FRMPD1: variants seen among roughly 807,000 people sequenced by gnomAD.
FRMPD1 encodes FERM and PDZ domain containing 1, also known as FERM and PDZ domain-containing protein 1.
FRMPD1 carries 76 observed loss-of-function variants against 117.8 expected under a neutral mutation model. That is an observed-to-expected ratio of 0.65 (90% CI 0.54 to 0.78). The LOEUF (loss-of-function observed/expected upper bound fraction) is 0.78, where lower values mean the gene tolerates loss of function less well. Ranked by LOEUF, FRMPD1 falls within the 30% of genes least tolerant of loss-of-function variation. The pLI is 0.00. For synonymous variants in FRMPD1, 783 were observed against 770.4 expected (o/e 1.02, Z -0.27); for missense variants, 1,786 against 1,964.5 (o/e 0.91, Z 1.72).
chr9:37,683,325 G>C (rs1821795448), intron 1 of FRMPD1, among the ~76,000 whole-genome samples: 1 of 152,184 alleles, frequency 6.6e-6, no homozygotes, highest in South Asian at 2.1e-4. Context: ...CAGAAAAAGA[G>C]ATGTTTCTTG....
chr9:37,683,347 G>A (rs1033024682), intron 1 of FRMPD1, among the ~76,000 whole-genome samples: 13 of 152,162 alleles, frequency 8.5e-5, no homozygotes, highest in African/African-American at 2.2e-4. Flanking sequence ...GCATATTTCC[G>A]TAGAACTTTA....
the FRMPD1 span, among the ~76,000 whole-genome samples, chr9:37,627,056 G>A: frequency 3.4e-5 from 5 of 148,958 alleles, no homozygotes; most frequent in Middle Eastern, 3.4e-3. Context: ...GGCGATCTTT[G>A]CTGACTCAGG....
chr9:37,692,887 G>A lies in FRMPD1; in HGVS notation c.101+145G>A, dbSNP rs539515890. The A allele has an allele frequency of 2.0e-5, 13 of 654,554 alleles. No individual in the cohort carries two copies. The African/African-American group carries it at 2.2e-4, about 11-fold the overall frequency. The allele number at this position is 654,554 out of a possible 1,614,324, so 40.5% of individuals were successfully genotyped here. ...CATATGGTGGGAGCAGTGTAAACAG[G>A]TCAGCAATTTTGCTGGAGTGCTTTT... is the stretch of plus-strand genomic sequence containing the variant. On this transcript the variant is annotated intron_variant, in intron 2 of 15. Transcript: ENST00000377765.
chr9:37,726,320 A>G (rs1387357196), intron 7 of FRMPD1, among the ~76,000 whole-genome samples: 1 of 152,242 alleles, frequency 6.6e-6, no homozygotes, highest in African/African-American at 2.4e-5. Flanking sequence ...AAACCAAGAA[A>G]AAGAATATGT....
Position 37,727,699 on chromosome 9 carries a change from G to A in FRMPD1, c.613-2029G>A, listed in dbSNP as rs532459783. Among the ~76,000 whole-genome samples the A allele has an allele frequency of 3.6e-5, 5 of 140,372 alleles. No homozygotes were observed. The Admixed American group carries it at 3.8e-4, about 11-fold the overall frequency. 92.1% of individuals were successfully genotyped at this position (140,372 alleles called of 152,430 possible). On this transcript the variant is annotated intron_variant, in intron 7 of 15. Coordinates refer to ENST00000377765, the MANE Select transcript of FRMPD1 (RefSeq NM_014907.3). ...ATGGACCCTTCAGGACTAGTCACTG[G>A]GTAGTTATGGGGGGTGATGAACAAG...
the FRMPD1 span, among the ~76,000 whole-genome samples, chr9:37,623,769 G>T: frequency 6.6e-6 from 1 of 152,104 alleles, no homozygotes; most frequent in African/African-American, 2.4e-5. Flanking sequence ...CTTTAGAGAT[G>T]GGAGTCTACT....
intron 1 of FRMPD1, among the ~76,000 whole-genome samples, chr9:37,691,439 A>AC (rs1179036098): frequency 3.9e-5 from 6 of 152,274 alleles, no homozygotes; most frequent in African/African-American, 1.4e-4. Flanking sequence ...AACATAGTCT[A>AC]TAGTTCAGTT....
rs571037699 is a variant in FRMPD1 at position 37,737,220 on chromosome 9, C to A, written c.1526C>A (p.Ala509Glu). Residue 509 changes from alanine to glutamate, a missense_variant, in exon 14 of 16, where the codon GCG (alanine) becomes GAG (glutamate). Coordinates refer to ENST00000377765, the MANE Select transcript of FRMPD1 (RefSeq NM_014907.3). The stretch of plus-strand genomic sequence containing the variant: ...CTCTGGCCTGGAAACAAACAACAAG[C>A]GCACCGGGTATCTGCAGAAGAAGGT... ...IFLWPGNKQQ[A>E]HRVSAEEGYE... is the part of the protein sequence containing the mutation. 1 of 1,614,024 alleles carries A rather than the reference C, an allele frequency of 6.2e-7. No individual in the cohort carries two copies. Among genetic ancestry groups the A allele is most frequent in the Non-Finnish European group, 8.5e-7 (1 of 1,179,990 alleles).
At chr9:37,697,813 C>G (rs1157664396) in intron 2 of FRMPD1, among the ~76,000 whole-genome samples, 2 of 151,980 alleles carry the variant, frequency 1.3e-5, no homozygotes, top group Admixed American at 1.3e-4. Flanking sequence ...TATATTTTTC[C>G]ACTTAATATT....
chr9:37,643,111 C>A, the FRMPD1 span, among the ~76,000 whole-genome samples: 3 of 152,278 alleles, frequency 2.0e-5, no homozygotes, highest in South Asian at 6.2e-4. Context: ...ATGCCCAGGA[C>A]TGGAAGTTCT....
chr9:37,746,736 G>C lies in FRMPD1; in HGVS notation c.4704G>C (p.Leu1568Phe). 1 of 1,614,058 alleles carries C rather than the reference G, an allele frequency of 6.2e-7. No homozygotes were observed. Among genetic ancestry groups the C allele is most frequent in the South Asian group, 1.1e-5 (1 of 91,078 alleles). The change falls in exon 16 of 16, where the codon TTG (leucine) becomes TTC (phenylalanine). Residue 1568 changes from leucine (L) to phenylalanine (F), a missense_variant. Coordinates refer to ENST00000377765, the MANE Select transcript of FRMPD1 (RefSeq NM_014907.3). ...CCCTCACGGCCGCCGTGTTCTGTTT[G>C]ACCCAGAAGTTCCGGGCATCCACGG... ...CTALTAAVFC[L>F]TQKFRASTAL is the part of the protein sequence containing the mutation.
chr9:37,682,778 G>GA (rs1022450428), intron 1 of FRMPD1, among the ~76,000 whole-genome samples: 3 of 152,194 alleles, frequency 2.0e-5, no homozygotes, highest in Non-Finnish European at 2.9e-5. Context: ...GAGAAAAACA[G>GA]ATTCCTTACA....
the FRMPD1 span, among the ~76,000 whole-genome samples, chr9:37,644,298 C>A: frequency 2.0e-5 from 3 of 152,124 alleles, no homozygotes; most frequent in Admixed American, 6.5e-5. Context: ...CCTCAGGTAG[C>A]CCAGGATTGA....
At position 37,744,580 on chromosome 9, in the gene FRMPD1, G is replaced by A. The variant is rs774366734; in HGVS notation, c.2548G>A (p.Val850Ile). The change falls in exon 16 of 16, where the codon GTC (valine) becomes ATC (isoleucine). Residue 850 changes from valine (V) to isoleucine (I), a missense_variant. Physicochemically the swap from Val to Ile is conservative, Grantham distance 29. Coordinates refer to ENST00000377765, the MANE Select transcript of FRMPD1 (RefSeq NM_014907.3). Reference protein sequence around the residue: ...SFLQTDYTSQVSFPLVPSASL... With the variant: ...SFLQTDYTSQISFPLVPSASL... Reference sequence around the variant, plus strand: ...CCTACAGACCGACTACACCTCTCAGGTCTCATTTCCCCTGGTGCCATCAGC... The same window carrying A: ...CCTACAGACCGACTACACCTCTCAGATCTCATTTCCCCTGGTGCCATCAGC... 14 of 1,613,990 alleles carry A rather than the reference G, an allele frequency of 8.7e-6. No homozygotes were observed. The highest frequency in any genetic ancestry group is 1.0e-5 in the Non-Finnish European group (12 of 1,180,012).
chr9:37,659,295 C>G (rs1298950077), intron 1 of FRMPD1, among the ~76,000 whole-genome samples: 2 of 152,232 alleles, frequency 1.3e-5, no homozygotes, highest in African/African-American at 4.8e-5. Context: ...CTCAGATCCT[C>G]AGGCCACATG....
At chr9:37,665,102 A>G (rs1011096507) in intron 1 of FRMPD1, among the ~76,000 whole-genome samples, 1 of 152,186 alleles carries the variant, frequency 6.6e-6, no homozygotes, top group Non-Finnish European at 1.5e-5. Context: ...ATAAACAATA[A>G]TGTTGTAGAA....
intron 7 of FRMPD1, among the ~76,000 whole-genome samples, chr9:37,726,573 C>T (rs538173746): frequency 3.0e-4 from 45 of 152,246 alleles, no homozygotes; most frequent in Admixed American, 1.7e-3. Flanking sequence ...TGGTGCAAGC[C>T]TGTAGTCCCA....
At chr9:37,706,000 T>TAAATAAAA (rs1052912923) in intron 2 of FRMPD1, among the ~76,000 whole-genome samples, 15 of 140,332 alleles carry the variant, frequency 1.1e-4, no homozygotes, top group East Asian at 1.0e-3. Flanking sequence ...AATAAATAAA[T>TAAATAAAA]AAAAGATTGA....
At chr9:37,730,407 G>A (rs887540936) in intron 8 of FRMPD1, among the ~76,000 whole-genome samples, 1 of 152,156 alleles carries the variant, frequency 6.6e-6, no homozygotes, top group Admixed American at 6.5e-5. Flanking sequence ...ACAAAGATGA[G>A]GAGGATTTTA....
Sources: allele counts gnomAD v4.1 joint callset (sites outside exome capture counted in the v4.1 genomes callset), GRCh38; gene constraint gnomAD v4.1.1; transcripts MANE v1.5; gene names NCBI Gene and HGNC (gene_info 2026-07-23, HGNC 2026-07-21).